The following ZNF541 variants were observed in gnomAD, a reference collection of about 807,000 sequenced individuals.
The protein encoded by ZNF541 is zinc finger protein 541.
Under a neutral mutation model 123.5 loss-of-function variants are expected in ZNF541, and 23 were observed. The observed-to-expected ratio is 0.19, with a 90% CI of 0.13 to 0.26. The LOEUF (loss-of-function observed/expected upper bound fraction) is 0.26. ZNF541 is among the 10% of genes least tolerant of loss of function. ZNF541 has a pLI of 1.00. For synonymous variants in ZNF541, 751 were observed against 754.5 expected, an observed-to-expected ratio of 1.00 and a Z score of 0.08; for missense variants, 1,612 against 1,789.9, an observed-to-expected ratio of 0.90 and a Z score of 1.79.
chr19:47,566,413 G>C (rs1333820495), intron 2 of ZNF541, among the ~76,000 whole-genome samples: 1 of 152,098 alleles, frequency 6.6e-6, no homozygotes, highest in African/African-American at 2.4e-5. Context: ...TATTTAGTCT[G>C]CAATATATTT....
chr19:47,571,623 T>C (rs577854511), intron 2 of ZNF541, among the ~76,000 whole-genome samples: 1 of 152,304 alleles, frequency 6.6e-6, no homozygotes, highest in African/African-American at 2.4e-5. Flanking sequence ...TACCTGTAAG[T>C]ATCTGAGTTG....
At chr19:47,540,834 C>T in intron 6 of ZNF541, 59 bp downstream of exon 6, 2 of 1,521,954 alleles carry the variant, frequency 1.3e-6, no homozygotes, top group Non-Finnish European at 1.8e-6. Context: ...AGGGCCGGCA[C>T]AGGAAGGCCA....
rs1969050872 is a variant in ZNF541 at position 47,521,903 on chromosome 19, T to C, written c.3662A>G (p.Glu1221Gly). ...CTCCGGCTCTCTCTTGACCCTCTTT[T>C]CTAGCCCTGGGGCTCGGCCACAGTC... is the stretch of plus-strand genomic sequence containing the variant. ...KFDCGRAPGL[E>G]KRVKREPEEV... is the part of the protein sequence containing the mutation. Residue 1221 changes from glutamate (E) to glycine (G), a missense_variant, in exon 15 of 17, where the codon GAA becomes GGA. This residue lies in a region of ZNF541 where 285 missense variants were observed against 407.3 expected (regional missense o/e 0.70). Transcript: ENST00000391901. The surrounding 1 kb of genome is among the most constrained non-coding windows in gnomAD (Gnocchi z 4.2). 4 of 1,551,900 alleles carry C rather than the reference T, an allele frequency of 2.6e-6. No individual in the cohort carries two copies. The highest frequency in any genetic ancestry group is 3.5e-6 in the Non-Finnish European group (4 of 1,147,040).
Position 47,545,732 on chromosome 19 carries a change from C to A in ZNF541, c.797G>T (p.Gly266Val). 1.3e-6 allele frequency: 2 copies of A among 1,545,356 alleles called. No homozygotes were observed. The highest frequency in any genetic ancestry group is 1.2e-5 in the South Asian group (1 of 84,012). The change falls in exon 5 of 17, where the codon GGC becomes GTC. Residue 266 changes from glycine to valine, a missense_variant. Physicochemically the swap from Gly to Val is moderately radical, Grantham distance 109. Coordinates refer to ENST00000391901, the MANE Select transcript of ZNF541 (RefSeq NM_001277075.3). The surrounding 1 kb of genome is among the most constrained non-coding windows in gnomAD (Gnocchi z 7.5). ...GAGGTCCCGGTGGGGCAGGAGGGAGCCGGGGGACCTGGCCTCTGGGGGCAC... is the reference window on the plus strand; with the variant it reads ...GAGGTCCCGGTGGGGCAGGAGGGAGACGGGGGACCTGGCCTCTGGGGGCAC... Reference protein sequence around the residue: ...SLVPPEARSPGSLLPHRDLLR... With the variant: ...SLVPPEARSPVSLLPHRDLLR...
At chr19:47,546,419 G>C (rs950475137) in intron 4 of ZNF541, among the ~76,000 whole-genome samples, 1 of 151,982 alleles carries the variant, frequency 6.6e-6, no homozygotes, top group Admixed American at 6.5e-5. Context: ...TGAGGCAAGA[G>C]AATCACTTGT....
chr19:47,560,021 T>G (rs1970996758), intron 2 of ZNF541, among the ~76,000 whole-genome samples: 1 of 152,088 alleles, frequency 6.6e-6, no homozygotes, highest in South Asian at 2.1e-4. Context: ...GGATCTGGTT[T>G]TCAAAGAACA....
Position 47,545,267 on chromosome 19 carries a change from C to G in ZNF541, c.1262G>C (p.Gly421Ala), listed in dbSNP as rs1349436305. The G allele has an allele frequency of 6.5e-7, 1 of 1,549,162 alleles. No individual in the cohort carries two copies. The highest frequency in any genetic ancestry group is 8.7e-7 in the Non-Finnish European group (1 of 1,146,720). Residue 421 changes from glycine to alanine, a missense_variant, in exon 5 of 17, where the codon GGC becomes GCC. Coordinates refer to ENST00000391901, the MANE Select transcript of ZNF541 (RefSeq NM_001277075.3). This position sits in a 1 kb window ranked among gnomAD's most constrained non-coding sequence, Gnocchi z 7.5. Reference protein sequence around the residue: ...HSFQWLRNLPGCPKSKGNNVF... With the variant: ...HSFQWLRNLPACPKSKGNNVF... ...GTTGTTGCCTTTGCTTTTGGGACAG[C>G]CCGGCAGGTTCCGGAGCCACTGGAA...
chr19:47,552,052 T>C (rs1203806790), intron 3 of ZNF541, among the ~76,000 whole-genome samples: 2 of 149,080 alleles, frequency 1.3e-5, no homozygotes, highest in African/African-American at 5.0e-5. Context: ...GAGACGGGGT[T>C]TTGCCATGTT....
chr19:47,552,742 C>CAA lies in ZNF541; in HGVS notation c.307+2806_307+2807dup, dbSNP rs573248609. Among the ~76,000 whole-genome samples, 255 of 26,122 alleles carry CAA rather than the reference C, an allele frequency of 9.8e-3. 88 individuals are homozygous for CAA. Among genetic ancestry groups the CAA allele is most frequent in the African/African-American group, 0.011 (105 of 9,468 alleles). The allele number at this position is 26,122 out of a possible 152,430, so 17.1% of individuals were successfully genotyped here. On this transcript the variant is annotated intron_variant, in intron 3 of 16. Transcript: ENST00000391901. ...TGGGCGATAGAGCGAGACTCCATCT[C>CAA]AAAAAAAAAAAAAAAAAAAAAAAAA...
intron 9 of ZNF541, among the ~76,000 whole-genome samples, chr19:47,535,792 G>T (rs555939331): frequency 6.6e-6 from 1 of 151,746 alleles, no homozygotes; most frequent in Admixed American, 6.6e-5. Context: ...GCATGGTCTC[G>T]GCTTACTGCA....
At chr19:47,535,883 T>C (rs765451776) in intron 9 of ZNF541, among the ~76,000 whole-genome samples, 6 of 151,902 alleles carry the variant, frequency 3.9e-5, no homozygotes, top group South Asian at 2.1e-4. Flanking sequence ...CACAGAAATA[T>C]AGAGGAGTGG....
At chr19:47,537,226 T>A (rs1346876569) in intron 9 of ZNF541, among the ~76,000 whole-genome samples, 1 of 152,140 alleles carries the variant, frequency 6.6e-6, no homozygotes, top group Non-Finnish European at 1.5e-5. Context: ...AATGGGTGAT[T>A]TGCATGGTAT....
At chr19:47,565,295 A>C (rs896325909) in intron 2 of ZNF541, among the ~76,000 whole-genome samples, 1 of 152,174 alleles carries the variant, frequency 6.6e-6, no homozygotes, top group African/African-American at 2.4e-5. Context: ...TGTTCCCCCA[A>C]AATCTATGGA....
chr19:47,551,104 G>A (rs989239517), intron 3 of ZNF541, among the ~76,000 whole-genome samples: 38 of 150,732 alleles, frequency 2.5e-4, no homozygotes, highest in Admixed American at 2.5e-3. Context: ...AGGCTAGAGG[G>A]CAGTGGCGCA....
intron 2 of ZNF541, among the ~76,000 whole-genome samples, chr19:47,564,492 G>T (rs951197503): frequency 6.6e-6 from 1 of 152,102 alleles, no homozygotes; most frequent in African/African-American, 2.4e-5. Flanking sequence ...CCTGCAACCC[G>T]GCAGACATTC....
chr19:47,526,584 G>C (rs1247581767), intron 14 of ZNF541, among the ~76,000 whole-genome samples: 3 of 151,866 alleles, frequency 2.0e-5, no homozygotes, highest in Admixed American at 1.3e-4. Context: ...CAGCAAACAG[G>C]CCCATGAAAA....
At chr19:47,567,350 T>C (rs1402254675) in intron 2 of ZNF541, among the ~76,000 whole-genome samples, 4 of 152,154 alleles carry the variant, frequency 2.6e-5, no homozygotes, top group African/African-American at 7.2e-5. Flanking sequence ...CTCCACCTCC[T>C]GGGCTCAAGT....
At chr19:47,528,050 C>T (rs1170611978) in intron 14 of ZNF541, among the ~76,000 whole-genome samples, 1 of 135,606 alleles carries the variant, frequency 7.4e-6, no homozygotes, top group African/African-American at 2.7e-5. Context: ...CGCCGTGGCT[C>T]ACGCCTGTAA....
rs1969430792 is a variant in ZNF541 at position 47,528,847 on chromosome 19, G to A, written c.3570+103C>T. The A allele has an allele frequency of 2.1e-5, 17 of 798,548 alleles. No individual in the cohort carries two copies. The South Asian group carries it at 2.6e-4, about 12-fold the overall frequency. 49.5% of individuals were successfully genotyped at this position (798,548 alleles called of 1,614,324 possible). ...GTCTACAGTAAGAGTGCTGCCACAGGCAGGTGAGGGTGGGGCCCTCCGACC... is the reference window on the plus strand; with the variant it reads ...GTCTACAGTAAGAGTGCTGCCACAGACAGGTGAGGGTGGGGCCCTCCGACC... On this transcript the variant is annotated intron_variant, in intron 14 of 16. Transcript: ENST00000391901.
Sources: allele counts gnomAD v4.1 joint callset (sites outside exome capture counted in the v4.1 genomes callset), GRCh38; gene constraint gnomAD v4.1.1; regional missense constraint gnomAD v4.1.1; non-coding constraint Gnocchi (gnomAD v3.1); transcripts MANE v1.5; gene names NCBI Gene and HGNC (gene_info 2026-07-23, HGNC 2026-07-21).